Variants in MAST2 observed in about 807,000 individuals in gnomAD.
MAST2 encodes the protein microtubule-associated serine/threonine-protein kinase 2.
Under a neutral mutation model 147.4 loss-of-function variants are expected in MAST2, and 70 were observed. The observed-to-expected ratio is 0.47, with a 90% CI of 0.39 to 0.58. The LOEUF is 0.58. MAST2 is among the 20% of genes least tolerant of loss of function. The probability of loss-of-function intolerance (pLI) is 0.00; values close to 1 mark genes in which losing one functional copy is unlikely to be tolerated. For synonymous variants in MAST2, 869 were observed against 896.8 expected, an observed-to-expected ratio of 0.97 and a Z score of 0.55; for missense variants, 2,080 against 2,302.3, an observed-to-expected ratio of 0.90 and a Z score of 1.98.
intron 4 of MAST2, among the ~76,000 whole-genome samples, chr1:45,921,134 T>C (rs369001773): frequency 6.6e-6 from 1 of 152,216 alleles, no homozygotes; most frequent in African/African-American, 2.4e-5. Context: ...TAGCTAGGAT[T>C]ACAGGCGACC....
intron 3 of MAST2, among the ~76,000 whole-genome samples, chr1:45,857,605 G>T (rs1044436136): frequency 1.4e-4 from 21 of 152,086 alleles, no homozygotes; most frequent in African/African-American, 5.1e-4. Flanking sequence ...ACTAAAGTTA[G>T]TTCTTATTTT....
chr1:45,940,454 T>C (rs1657074649), intron 4 of MAST2, among the ~76,000 whole-genome samples: 1 of 152,254 alleles, frequency 6.6e-6, no homozygotes, highest in Admixed American at 6.5e-5. Flanking sequence ...GTTGCTAGAA[T>C]ATAGAAATAC....
intron 5 of MAST2, among the ~76,000 whole-genome samples, chr1:45,977,488 C>T (rs1196018256): frequency 6.8e-6 from 1 of 146,396 alleles, no homozygotes; most frequent in Admixed American, 6.8e-5. Context: ...AACTCTATCT[C>T]AAACAAACAA....
At chr1:45,839,146 T>TTTTTTTTTTTG (rs60017927) in intron 3 of MAST2, among the ~76,000 whole-genome samples, 1 of 124,312 alleles carries the variant, frequency 8.0e-6, no homozygotes, top group South Asian at 2.5e-4. Context: ...TTTTTTTTTT[T>TTTTTTTTTTTG]GAGACGGAGT....
chr1:45,998,485 A>G (rs1052457723), intron 6 of MAST2, among the ~76,000 whole-genome samples: 1 of 152,262 alleles, frequency 6.6e-6, no homozygotes, highest in African/African-American at 2.4e-5. Flanking sequence ...GCTGAATGAG[A>G]TTAATCCATC....
In MAST2 at chr1:45,884,666, TTAAG is replaced by T. The variant is rs148986866; in HGVS notation, c.500+2276_500+2279del. Among the ~76,000 whole-genome samples, 446 of 152,366 alleles carry T rather than the reference TTAAG, an allele frequency of 2.9e-3. 2 individuals carry two copies. The highest frequency in any genetic ancestry group is 0.02 in the East Asian group (105 of 5,192). ...TTCTTCTCTTTTGAAGAGCTTACAC[TTAAG>T]TAAGCCAGAAGTTCTTCAGTTCTTT... On this transcript the variant is annotated intron_variant, in intron 4 of 28. Transcript: ENST00000361297.
chr1:45,937,435 C>G (rs1345090744), intron 4 of MAST2, among the ~76,000 whole-genome samples: 4 of 151,822 alleles, frequency 2.6e-5, no homozygotes, highest in Non-Finnish European at 4.4e-5. Flanking sequence ...CTGGCTGAGA[C>G]AAAATTTACA....
intron 10 of MAST2, among the ~76,000 whole-genome samples, chr1:46,015,339 G>A (rs1645890254): frequency 6.6e-6 from 1 of 152,112 alleles, no homozygotes; most frequent in African/African-American, 2.4e-5. Context: ...CAGAACTGAC[G>A]GAAATAGAGA....
intron 4 of MAST2, among the ~76,000 whole-genome samples, chr1:45,893,601 A>T (rs1015916036): frequency 4.7e-4 from 34 of 72,714 alleles, no homozygotes; most frequent in Admixed American, 1.6e-3. Context: ...GGATATTTTA[A>T]AAAAAAAAAA....
chr1:45,993,753 C>T (rs895405722), intron 5 of MAST2, among the ~76,000 whole-genome samples: 5 of 152,014 alleles, frequency 3.3e-5, no homozygotes, highest in African/African-American at 9.7e-5. Context: ...CCAAACTTTA[C>T]AAGGGCCCAG....
chr1:45,915,078 G>T (rs1181728392), intron 4 of MAST2, among the ~76,000 whole-genome samples: 1 of 152,104 alleles, frequency 6.6e-6, no homozygotes, highest in East Asian at 1.9e-4. Flanking sequence ...CCACAGGCAT[G>T]CACCACCAAG....
At chr1:46,033,749 A>C (rs1476429431) in intron 26 of MAST2, 53 bp from the exon 27 acceptor site, 4 of 1,593,226 alleles carry the variant, frequency 2.5e-6, no homozygotes, top group Non-Finnish European at 3.4e-6. Flanking sequence ...GGGGGAGGGG[A>C]GGGGCAAGAA....
At chr1:46,015,374 A>G (rs1227839639) in intron 10 of MAST2, among the ~76,000 whole-genome samples, 1 of 152,176 alleles carries the variant, frequency 6.6e-6, no homozygotes, top group Non-Finnish European at 1.5e-5. Flanking sequence ...CAAAAAATTA[A>G]TGAATCCAGG....
chr1:45,926,988 A>G (rs1185467449), intron 4 of MAST2, among the ~76,000 whole-genome samples: 2 of 152,194 alleles, frequency 1.3e-5, no homozygotes, highest in Non-Finnish European at 2.9e-5. Context: ...GGCTTGAGAA[A>G]TAAAGGGACA....
intron 3 of MAST2, chr1:45,847,466 G>T: frequency 1.6e-6 from 1 of 629,404 alleles, no homozygotes; most frequent in South Asian, 1.5e-5. Flanking sequence ...CAATAAGATT[G>T]AAACACAAGG....
At chr1:45,926,098 A>T (rs1473334854) in intron 4 of MAST2, among the ~76,000 whole-genome samples, 1 of 152,168 alleles carries the variant, frequency 6.6e-6, no homozygotes, top group Non-Finnish European at 1.5e-5. Flanking sequence ...GAGTAATTTC[A>T]AAAGAGGAAC....
At chr1:45,824,176 C>A (rs757645351) in intron 1 of MAST2, among the ~76,000 whole-genome samples, 18 of 152,016 alleles carry the variant, frequency 1.2e-4, no homozygotes, top group Non-Finnish European at 2.2e-4. Context: ...AATACTATAT[C>A]CTGTCAAAAT....
At chr1:45,992,718 CT>C (rs34080240) in intron 5 of MAST2, among the ~76,000 whole-genome samples, 1 of 151,932 alleles carries the variant, frequency 6.6e-6, no homozygotes, top group Non-Finnish European at 1.5e-5. Context: ...TGGAGTCTTT[CT>C]TTTTTTAAAA....
intron 2 of MAST2, among the ~76,000 whole-genome samples, chr1:45,826,564 G>C (rs1644799154): frequency 6.6e-6 from 1 of 151,538 alleles, no homozygotes; most frequent in Non-Finnish European, 1.5e-5. Context: ...TGTTGCCCAG[G>C]CTAGTCTTGA....
Sources: allele counts gnomAD v4.1 joint callset (sites outside exome capture counted in the v4.1 genomes callset), GRCh38; gene constraint gnomAD v4.1.1; transcripts MANE v1.5; gene names NCBI Gene and HGNC (gene_info 2026-07-23, HGNC 2026-07-21).